The following PARD3 variants were observed in gnomAD, a reference collection of about 807,000 sequenced individuals.
PARD3 encodes the protein par-3 family cell polarity regulator, also known as partitioning defective 3 homolog.
In PARD3, 75 loss-of-function variants were observed where a neutral mutation model predicts 155.4. The observed-to-expected ratio is 0.48, with a 90% CI of 0.40 to 0.58. The LOEUF (loss-of-function observed/expected upper bound fraction) is 0.58, where lower values mean the gene tolerates loss of function less well. Ranked by LOEUF, PARD3 falls within the 20% of genes least tolerant of loss-of-function variation. The pLI is 0.00. For synonymous variants in PARD3, 576 were observed against 610.5 expected (o/e 0.94, Z 0.83); for missense variants, 1,642 against 1,721.7 (o/e 0.95, Z 0.82).
At chr10:34,542,799 T>C (rs1158181369) in intron 2 of PARD3, among the ~76,000 whole-genome samples, 8 of 152,218 alleles carry the variant, frequency 5.3e-5, no homozygotes. Context: ...TTTAAAAAGA[T>C]GGAACAAGGC....
chr10:34,327,163 G>A (rs987121428), intron 19 of PARD3, among the ~76,000 whole-genome samples: 11 of 152,198 alleles, frequency 7.2e-5, no homozygotes, highest in Admixed American at 5.9e-4. Flanking sequence ...TGAGAGCCAG[G>A]CTGGGCATGT....
intron 1 of PARD3, among the ~76,000 whole-genome samples, chr10:34,700,728 T>C (rs933256523): frequency 1.3e-5 from 2 of 152,036 alleles, no homozygotes; most frequent in Non-Finnish European, 2.9e-5. Context: ...TCCCAGTACT[T>C]TGGGAGGCTG....
At chr10:34,771,770 G>T (rs1838895541) in intron 1 of PARD3, among the ~76,000 whole-genome samples, 1 of 152,200 alleles carries the variant, frequency 6.6e-6, no homozygotes, top group South Asian at 2.1e-4. Context: ...TGATAGAAAT[G>T]AACATCCTGT....
chr10:34,207,332 C>A (rs1472077799), intron 22 of PARD3, among the ~76,000 whole-genome samples: 1 of 152,174 alleles, frequency 6.6e-6, no homozygotes, highest in African/African-American at 2.4e-5. Flanking sequence ...CAAGTGTTTT[C>A]AATAAGCAAC....
intron 2 of PARD3, among the ~76,000 whole-genome samples, chr10:34,593,751 C>T (rs991310398): frequency 3.9e-5 from 6 of 152,186 alleles, no homozygotes; most frequent in African/African-American, 1.2e-4. Context: ...TTCAGTACCA[C>T]CTGCACAGGG....
At chr10:34,470,916 G>C (rs2133080521) in intron 3 of PARD3, among the ~76,000 whole-genome samples, 1 of 152,246 alleles carries the variant, frequency 6.6e-6, no homozygotes, top group East Asian at 1.9e-4. Flanking sequence ...ATTGAGGTGT[G>C]AATATCCTAA....
At chr10:34,791,596 C>T (rs1841622030) in intron 1 of PARD3, among the ~76,000 whole-genome samples, 1 of 152,166 alleles carries the variant, frequency 6.6e-6, no homozygotes, top group Non-Finnish European at 1.5e-5. Flanking sequence ...CCCGTCAGAG[C>T]CAGGTGTGGT....
chr10:34,698,538 C>T (rs1342560892), intron 1 of PARD3, among the ~76,000 whole-genome samples: 1 of 152,170 alleles, frequency 6.6e-6, no homozygotes, highest in African/African-American at 2.4e-5. Flanking sequence ...AGTCTAACTC[C>T]AGCCCACTGT....
intron 22 of PARD3, among the ~76,000 whole-genome samples, chr10:34,194,445 C>G (rs1950850270): frequency 6.6e-6 from 1 of 152,162 alleles, no homozygotes; most frequent in Non-Finnish European, 1.5e-5. Context: ...GATGTAAAAC[C>G]AAGATCGCAC....
intron 1 of PARD3, among the ~76,000 whole-genome samples, chr10:34,796,723 G>A (rs539773173): frequency 8.5e-4 from 130 of 152,338 alleles, no homozygotes; most frequent in African/African-American, 2.9e-3. Flanking sequence ...AGTGGTTCAC[G>A]CTTGTAATCC....
chr10:34,336,169 T>A lies in PARD3; in HGVS notation c.2605+30A>T, dbSNP rs1331832212. On this transcript the variant is annotated intron_variant, in intron 18 of 24. Coordinates refer to ENST00000374788, the MANE Select transcript of PARD3 (RefSeq NM_001184785.2). ...GATAAGCTATGTGGGCCATCGTTTC[T>A]ATGGCAACAGTCTAACTGTCCATTC... 7 of 1,577,038 alleles carry A rather than the reference T, an allele frequency of 4.4e-6. No individual in the cohort carries two copies. The South Asian group carries it at 6.7e-5, about 15-fold the overall frequency.
At chr10:34,387,933 C>G (rs554505874) in intron 7 of PARD3, among the ~76,000 whole-genome samples, 1 of 152,170 alleles carries the variant, frequency 6.6e-6, no homozygotes, top group South Asian at 2.1e-4. Context: ...TCCTAACATA[C>G]AGTAGAAATT....
rs114755275 is a variant in PARD3 at position 34,751,301 on chromosome 10, C to T, written c.121-54882G>A. On this transcript the variant is annotated intron_variant, in intron 1 of 24. Transcript: ENST00000374788. ...GTGCTGATGATTTGGGTCAAAATAACAATTATCTTGATACTCCATGCTTAT... is the reference window on the plus strand; with the variant it reads ...GTGCTGATGATTTGGGTCAAAATAATAATTATCTTGATACTCCATGCTTAT... Among the ~76,000 whole-genome samples the T allele has an allele frequency of 5.5e-3, 835 of 152,184 alleles. 9 individuals are homozygous for T. The highest frequency in any genetic ancestry group is 0.019 in the African/African-American group (794 of 41,524).
intron 22 of PARD3, among the ~76,000 whole-genome samples, chr10:34,207,239 C>T (rs989610204): frequency 1.3e-5 from 2 of 152,178 alleles, no homozygotes; most frequent in Admixed American, 6.5e-5. Flanking sequence ...CTGATTAGCT[C>T]CCATTCAAAT....
At chr10:34,625,472 A>C (rs2091933643) in intron 2 of PARD3, among the ~76,000 whole-genome samples, 1 of 152,250 alleles carries the variant, frequency 6.6e-6, no homozygotes, top group Non-Finnish European at 1.5e-5. Flanking sequence ...TGGGGACTCC[A>C]CACACAGGTG....
At chr10:34,178,013 T>C (rs190594443) in intron 22 of PARD3, among the ~76,000 whole-genome samples, 48 of 152,314 alleles carry the variant, frequency 3.2e-4, no homozygotes, top group African/African-American at 9.9e-4. Flanking sequence ...AAAATATACA[T>C]ATCAATGTCT....
At chr10:34,771,650 G>A (rs1026147726) in intron 1 of PARD3, among the ~76,000 whole-genome samples, 3 of 152,234 alleles carry the variant, frequency 2.0e-5, no homozygotes, top group Admixed American at 2.0e-4. Flanking sequence ...TGCCAGCCAA[G>A]GAACAGTTGT....
chr10:34,192,501 T>C (rs527552142), intron 22 of PARD3, among the ~76,000 whole-genome samples: 1 of 152,320 alleles, frequency 6.6e-6, no homozygotes, highest in South Asian at 2.1e-4. Context: ...CTTATATTTC[T>C]TCAGTACTTT....
At chr10:34,117,217 C>T (rs557781621) in intron 24 of PARD3, among the ~76,000 whole-genome samples, 2 of 152,280 alleles carry the variant, frequency 1.3e-5, no homozygotes, top group East Asian at 3.9e-4. Context: ...CTCCTTCAAT[C>T]CTTAGAGACA....
Sources: allele counts gnomAD v4.1 joint callset (sites outside exome capture counted in the v4.1 genomes callset), GRCh38; gene constraint gnomAD v4.1.1; transcripts MANE v1.5; gene names NCBI Gene and HGNC (gene_info 2026-07-23, HGNC 2026-07-21).